The following UBXN2B variants were observed in gnomAD, a reference collection of about 807,000 sequenced individuals.
UBXN2B encodes the protein UBX domain protein 2B.
Under a neutral mutation model 37.5 loss-of-function variants are expected in UBXN2B, and 19 were observed. The observed-to-expected ratio is 0.51, with a 90% confidence interval of 0.35 to 0.74. The LOEUF is 0.74. Among genes scored for constraint, UBXN2B ranks in the 30% least tolerant of loss-of-function variants. The probability of loss-of-function intolerance (pLI) is 0.01; values close to 1 mark genes in which losing one functional copy is unlikely to be tolerated. For missense variants in UBXN2B, 370 were observed against 393.2 expected (o/e 0.94, Z 0.50); for synonymous variants, 145 against 143.8 (o/e 1.01, Z -0.06).
chr8:58,437,598 C>T (rs986698965), intron 5 of UBXN2B, among the ~76,000 whole-genome samples: 3 of 152,006 alleles, frequency 2.0e-5, no homozygotes, highest in Admixed American at 1.3e-4. Flanking sequence ...GCTGGGATTA[C>T]AGGCGTAAGC....
At chr8:58,417,033 G>A (rs1183991239) in intron 2 of UBXN2B, 80 bp downstream of exon 2, 12 of 1,144,120 alleles carry the variant, frequency 1.0e-5, no homozygotes, top group South Asian at 1.9e-5. Flanking sequence ...ATTTTAAATG[G>A]CCTTCTTCAA....
chr8:58,411,864 T>C (rs28710905), intron 1 of UBXN2B, among the ~76,000 whole-genome samples: 3,557 of 152,308 alleles, frequency 0.023, 134 homozygotes, highest in African/African-American at 0.081. Context: ...ATTTGTTCTT[T>C]TTTGTCTTGG....
intron 1 of UBXN2B, among the ~76,000 whole-genome samples, chr8:58,416,364 C>A (rs575348236): frequency 6.6e-6 from 1 of 151,920 alleles, no homozygotes; most frequent in East Asian, 1.9e-4. Context: ...ACTCATTTTC[C>A]TAAACACGAT....
At chr8:58,422,511 G>A (rs777916670) in intron 2 of UBXN2B, among the ~76,000 whole-genome samples, 17 of 152,264 alleles carry the variant, frequency 1.1e-4, no homozygotes, top group Admixed American at 6.5e-4. Context: ...ATAAGGCGAA[G>A]AGGGATGTCT....
chr8:58,433,070 G>T, intron 3 of UBXN2B, 90 bp from the exon 4 acceptor site: 1 of 1,088,546 alleles, frequency 9.2e-7, no homozygotes, highest in East Asian at 2.5e-5. Context: ...TGGCTAATTA[G>T]AATTAATCTA....
At chr8:58,425,129 C>G in intron 2 of UBXN2B, 1 of 817,590 alleles carries the variant, frequency 1.2e-6, no homozygotes. Context: ...TATTGCCAGA[C>G]CATTCTCTCC....
At chr8:58,446,177 T>A (rs568463650) in intron 7 of UBXN2B, 109 bp downstream of exon 7, 1 of 1,200,480 alleles carries the variant, frequency 8.3e-7, no homozygotes, top group East Asian at 2.7e-5. Context: ...ATTCTTTAGG[T>A]TTACTTTTGA....
At chr8:58,426,717 C>A in intron 2 of UBXN2B, 1 of 683,172 alleles carries the variant, frequency 1.5e-6, no homozygotes, top group South Asian at 1.4e-5. Flanking sequence ...CGTGACAGAC[C>A]CGTTCCTTGC....
chr8:58,450,972 A>G lies in UBXN2B; in HGVS notation c.*3421A>G, dbSNP rs1808788762. ...TTCACTTACTGAAAACAACTTGGAT[A>G]ATGTGTAACAGCCAGCCCCATTTCA... On this transcript the variant is annotated 3_prime_UTR_variant, in exon 8 of 8. Coordinates refer to ENST00000399598, the MANE Select transcript of UBXN2B (RefSeq NM_001077619.2). The G allele has an allele frequency of 6.6e-6, 1 of 152,620 alleles. No individual in the cohort carries two copies. Among genetic ancestry groups the G allele is most frequent in the African/African-American group, 2.4e-5 (1 of 41,454 alleles). 9.5% of individuals were successfully genotyped at this position (152,620 alleles called of 1,614,324 possible).
chr8:58,429,921 A>G (rs762423632), intron 2 of UBXN2B, among the ~76,000 whole-genome samples: 2 of 152,236 alleles, frequency 1.3e-5, no homozygotes, highest in Non-Finnish European at 2.9e-5. Flanking sequence ...TCCTAGGACC[A>G]TTTATGAAGT....
chr8:58,415,939 C>G (rs1235932290), intron 1 of UBXN2B, among the ~76,000 whole-genome samples: 2 of 151,568 alleles, frequency 1.3e-5, no homozygotes, highest in African/African-American at 4.8e-5. Context: ...TAACATTGCC[C>G]CAATGCCCTG....
In UBXN2B at chr8:58,450,691, G is replaced by A. The variant is rs1408120603; in HGVS notation, c.*3140G>A. The A allele has an allele frequency of 6.6e-6, 1 of 152,192 alleles. No individual in the cohort carries two copies. Among genetic ancestry groups the A allele is most frequent in the African/African-American group, 2.4e-5 (1 of 41,434 alleles). 9.4% of individuals were successfully genotyped at this position (152,192 alleles called of 1,614,324 possible). A position where few individuals can be genotyped will look rare whatever the true frequency, so the allele number is the denominator to read the frequency against. On this transcript the variant is annotated 3_prime_UTR_variant, in exon 8 of 8. Coordinates refer to ENST00000399598, the MANE Select transcript of UBXN2B (RefSeq NM_001077619.2). ...TTTCTACTTTTAGGTATTTGTTACA[G>A]CAGCACCTCAAGTACCTAGAAAACT...
At chr8:58,414,175 A>G (rs1233108980) in intron 1 of UBXN2B, among the ~76,000 whole-genome samples, 9 of 152,340 alleles carry the variant, frequency 5.9e-5, no homozygotes. Context: ...TACCCTAATC[A>G]TATTGAATGT....
chr8:58,446,121 T>C (rs994339836), intron 7 of UBXN2B, 53 bp downstream of exon 7: 1 of 1,505,684 alleles, frequency 6.6e-7, no homozygotes, highest in African/African-American at 1.4e-5. Flanking sequence ...ACTGGATTGC[T>C]TATCTAAGTA....
chr8:58,444,050 C>T (rs1808615125), intron 6 of UBXN2B, among the ~76,000 whole-genome samples: 1 of 152,182 alleles, frequency 6.6e-6, no homozygotes, highest in Non-Finnish European at 1.5e-5. Context: ...GACATACACA[C>T]ATTTTCTTAC....
At position 58,430,534 on chromosome 8, in the gene UBXN2B, A is replaced by ACAG; in HGVS notation, c.206_207insGCA (p.Glu68_His69insGln). Reference sequence around the variant, plus strand: ...ATGTTTAAAGGTTTTACTCAAGTGAACATGAATACAGTGGATTAAATATAG... The same window carrying ACAG: ...ATGTTTAAAGGTTTTACTCAAGTGAACAGCATGAATACAGTGGATTAAATATAG... On this transcript the variant is annotated inframe_insertion, in exon 3 of 8. Coordinates refer to ENST00000399598, the MANE Select transcript of UBXN2B (RefSeq NM_001077619.2). 1 of 1,577,160 alleles carries ACAG rather than the reference A, an allele frequency of 6.3e-7. No individual in the cohort carries two copies. Among genetic ancestry groups the ACAG allele is most frequent in the Non-Finnish European group, 8.6e-7 (1 of 1,161,986 alleles).
In UBXN2B at chr8:58,437,318, CTTTTTTT is replaced by C. The variant is rs773987509; in HGVS notation, c.534-2294_534-2288del. Among the ~76,000 whole-genome samples, 251 of 74,238 alleles carry C rather than the reference CTTTTTTT, an allele frequency of 3.4e-3. 1 individual carries two copies. The highest frequency in any genetic ancestry group is 9.0e-3 in the African/African-American group (161 of 17,838). 48.7% of individuals were successfully genotyped at this position (74,238 alleles called of 152,430 possible). A position where few individuals can be genotyped will look rare whatever the true frequency, so the allele number is the denominator to read the frequency against. ...CTAGGGTACCTGGTGGAAGAAATTTCTTTTTTTTTTTTTTTTTTTTTTTTTTTGGAGA... is the reference window on the plus strand; with the variant it reads ...CTAGGGTACCTGGTGGAAGAAATTTCTTTTTTTTTTTTTTTTTTTTGGAGA... On this transcript the variant is annotated intron_variant, in intron 5 of 7. Coordinates refer to ENST00000399598, the MANE Select transcript of UBXN2B (RefSeq NM_001077619.2).
intron 5 of UBXN2B, among the ~76,000 whole-genome samples, chr8:58,437,951 C>CG (rs200962765): frequency 1.0e-4 from 5 of 48,516 alleles, no homozygotes; most frequent in Admixed American, 6.4e-4. Flanking sequence ...TTTAAGGCAG[C>CG]CCCCCCCCCA....
At chr8:58,417,806 G>A (rs78611058) in intron 2 of UBXN2B, among the ~76,000 whole-genome samples, 3,193 of 152,222 alleles carry the variant, frequency 0.021, 66 homozygotes, top group East Asian at 0.11. Context: ...ACTTGTGCAC[G>A]CATGTATTCT....
Sources: gnomAD v4.1 joint callset for allele counts (sites outside exome capture counted in the v4.1 genomes callset) on GRCh38, gnomAD v4.1.1 for gene constraint, MANE v1.5 for transcripts, NCBI Gene and HGNC (gene_info 2026-07-23, HGNC 2026-07-21) for gene names.